Variants in SAMSN1 observed in about 807,000 individuals in gnomAD.
SAMSN1 encodes the protein SAM domain-containing protein SAMSN-1.
A neutral mutation model predicts 42.0 loss-of-function variants in SAMSN1; 31 were observed. The observed-to-expected ratio is 0.74, with a 90% confidence interval of 0.55 to 1.00. The LOEUF is 1.00. Among genes scored for constraint, SAMSN1 ranks in the 50% least tolerant of loss-of-function variants. SAMSN1 has a pLI of 0.00. For synonymous variants in SAMSN1, 178 were observed against 151.9 expected (o/e 1.17, Z -1.26); for missense variants, 464 against 439.4 (o/e 1.06, Z -0.50).
intron 2 of SAMSN1, among the ~76,000 whole-genome samples, chr21:14,520,133 C>T (rs1978358646): frequency 6.6e-6 from 1 of 152,140 alleles, no homozygotes; most frequent in Non-Finnish European, 1.5e-5. Context: ...ACTAAATGAA[C>T]ATATTATTGA....
At position 14,517,966 on chromosome 21, in the gene SAMSN1, T is replaced by C. The variant is rs1987989123; in HGVS notation, c.130-925A>G. Among the ~76,000 whole-genome samples, 7 of 152,284 alleles carry C rather than the reference T, an allele frequency of 4.6e-5. No individual in the cohort carries two copies. In the South Asian group the frequency reaches 1.5e-3, roughly 32 times the overall value. On this transcript the variant is annotated intron_variant, in intron 2 of 7. Coordinates refer to ENST00000400566, the MANE Select transcript of SAMSN1 (RefSeq NM_022136.5). The stretch of plus-strand genomic sequence containing the variant: ...CTGGACCAGCGGCATTAACATCACT[T>C]GGGAGCAGTTTGTGCTTTAGCAAGC...
At chr21:14,560,041 C>T (rs1980896583) in intron 2 of SAMSN1, among the ~76,000 whole-genome samples, 1 of 152,146 alleles carries the variant, frequency 6.6e-6, no homozygotes, top group African/African-American at 2.4e-5. Context: ...CAAGACTTTA[C>T]AGTTCAGTGG....
At chr21:14,654,292 C>T (rs776257316) in intron 1 of SAMSN1, among the ~76,000 whole-genome samples, 2 of 151,928 alleles carry the variant, frequency 1.3e-5, no homozygotes, top group African/African-American at 2.4e-5. Flanking sequence ...TTGCTGTTTC[C>T]GCTTTTAAGT....
intron 2 of SAMSN1, among the ~76,000 whole-genome samples, chr21:14,565,286 C>CA (rs71330076): frequency 0.4 from 44,033 of 109,358 alleles, 7,650 homozygotes; most frequent in East Asian, 0.52. Context: ...AGACTCTATC[C>CA]AAAAAAAAAA....
At chr21:14,517,125 G>A (rs1397086955) in intron 2 of SAMSN1, 84 bp from the exon 3 acceptor site, 7 of 1,310,872 alleles carry the variant, frequency 5.3e-6, no homozygotes, top group Non-Finnish European at 7.3e-6. Context: ...AGAACATTCT[G>A]AGTTTGTGGA....
intron 5 of SAMSN1, among the ~76,000 whole-genome samples, chr21:14,508,501 A>G (rs906070786): frequency 6.6e-6 from 1 of 152,182 alleles, no homozygotes; most frequent in Non-Finnish European, 1.5e-5. Context: ...CAAAACCACA[A>G]TGTGATACCA....
At chr21:14,505,373 C>G (rs1987352513) in intron 5 of SAMSN1, among the ~76,000 whole-genome samples, 2 of 152,100 alleles carry the variant, frequency 1.3e-5, no homozygotes, top group Admixed American at 6.6e-5. Flanking sequence ...CATAAAGACT[C>G]ACACAAACTT....
chr21:14,658,874 T>C (rs1187919064), upstream of SAMSN1: 2 of 686,628 alleles, frequency 2.9e-6, no homozygotes, highest in Non-Finnish European at 5.4e-6. Context: ...TCATGGGAGA[T>C]TATTACAAAG....
At chr21:14,635,533 CG>C (rs1203591587) in intron 2 of SAMSN1, among the ~76,000 whole-genome samples, 6 of 152,092 alleles carry the variant, frequency 3.9e-5, no homozygotes, top group African/African-American at 1.2e-4. Context: ...TTTTCTAATG[CG>C]CATCAACAGT....
intron 7 of SAMSN1, chr21:14,496,349 T>TTCA (rs1986915056): frequency 1.3e-5 from 2 of 152,232 alleles, no homozygotes; most frequent in Admixed American, 6.5e-5. Flanking sequence ...TTCTTTGAAA[T>TTCA]TCATCTCCAA....
At chr21:14,500,223 G>A (rs184683602) in intron 6 of SAMSN1, among the ~76,000 whole-genome samples, 16 of 151,234 alleles carry the variant, frequency 1.1e-4, no homozygotes, top group East Asian at 9.7e-4. Flanking sequence ...TACCATTCTC[G>A]TTTAGACATT....
At chr21:14,608,001 A>G (rs1220773026) in intron 5 of SAMSN1, among the ~76,000 whole-genome samples, 3 of 152,240 alleles carry the variant, frequency 2.0e-5, no homozygotes, top group Non-Finnish European at 4.4e-5. Flanking sequence ...GCTGGCATCC[A>G]TGTGGTAAAG....
At chr21:14,570,605 T>C (rs543975715) in intron 2 of SAMSN1, among the ~76,000 whole-genome samples, 1 of 152,200 alleles carries the variant, frequency 6.6e-6, no homozygotes, top group Admixed American at 6.5e-5. Flanking sequence ...AAGAGATGAC[T>C]TTTGAAACTG....
chr21:14,605,042 T>C (rs1982529643), intron 5 of SAMSN1, among the ~76,000 whole-genome samples: 1 of 152,238 alleles, frequency 6.6e-6, no homozygotes, highest in Admixed American at 6.5e-5. Flanking sequence ...TCAATGTGCA[T>C]AAAAATATGC....
At chr21:14,540,475 G>T (rs544952209) in intron 1 of SAMSN1, among the ~76,000 whole-genome samples, 66 of 152,178 alleles carry the variant, frequency 4.3e-4, no homozygotes, top group African/African-American at 1.5e-3. Flanking sequence ...ATCAAAAAGT[G>T]AACAAAGGAC....
chr21:14,601,472 C>T (rs2822805), intron 6 of SAMSN1, among the ~76,000 whole-genome samples: 4,626 of 152,260 alleles, frequency 0.03, 229 homozygotes, highest in African/African-American at 0.11. Context: ...TTAAAGAGAA[C>T]CTCATGGCTG....
intron 1 of SAMSN1, among the ~76,000 whole-genome samples, chr21:14,654,769 A>G (rs1983890418): frequency 6.6e-6 from 1 of 151,944 alleles, no homozygotes; most frequent in South Asian, 2.1e-4. Flanking sequence ...CACCAATGTA[A>G]GCCCTGGTTT....
At chr21:14,585,185 G>A (rs1981881260), upstream of SAMSN1, among the ~76,000 whole-genome samples, 2 of 152,048 alleles carry the variant, frequency 1.3e-5, no homozygotes, top group South Asian at 2.1e-4. Flanking sequence ...TTATTTTTTT[G>A]TATTATTTCT....
At chr21:14,595,062 C>T (rs1468414355) in intron 6 of SAMSN1, among the ~76,000 whole-genome samples, 2 of 152,044 alleles carry the variant, frequency 1.3e-5, no homozygotes, top group East Asian at 3.9e-4. Flanking sequence ...TGTAAACAAC[C>T]AGATCTCATG....
Sources: allele counts gnomAD v4.1 joint callset (sites outside exome capture counted in the v4.1 genomes callset), GRCh38; gene constraint gnomAD v4.1.1; transcripts MANE v1.5; gene names NCBI Gene and HGNC (gene_info 2026-07-23, HGNC 2026-07-21).